CHDH: variants seen among roughly 807,000 people sequenced by gnomAD.
CHDH encodes choline dehydrogenase.
A neutral mutation model predicts 56.9 loss-of-function variants in CHDH; 43 were observed. That is an observed-to-expected ratio of 0.76 (90% confidence interval 0.59 to 0.97). CHDH has a LOEUF of 0.97. Among genes scored for constraint, CHDH ranks in the 50% least tolerant of loss-of-function variants. The pLI, the probability that CHDH is intolerant of heterozygous loss-of-function variation, is 0.00. For missense variants in CHDH, 816 were observed against 821.1 expected (o/e 0.99, Z 0.08); for synonymous variants, 364 against 348.5 (o/e 1.04, Z -0.50).
At chr3:53,832,323 A>G (rs956571081) in intron 2 of CHDH, among the ~76,000 whole-genome samples, 7 of 152,212 alleles carry the variant, frequency 4.6e-5, no homozygotes, top group Admixed American at 4.6e-4. Flanking sequence ...TGAGGTCAGG[A>G]GATTAAGACC....
At chr3:53,829,671 T>TA (rs570489355) in intron 2 of CHDH, among the ~76,000 whole-genome samples, 1 of 152,144 alleles carries the variant, frequency 6.6e-6, no homozygotes, top group Non-Finnish European at 1.5e-5. Context: ...GGCAAGTGAA[T>TA]AAAAAAGCTC....
intron 2 of CHDH, among the ~76,000 whole-genome samples, chr3:53,825,452 GA>G (rs1028316533): frequency 2.0e-5 from 3 of 151,534 alleles, no homozygotes; most frequent in African/African-American, 7.3e-5. Context: ...ATAAATGCAA[GA>G]AAAAAATACA....
chr3:53,823,989 C>A lies in CHDH; in HGVS notation c.20G>T (p.Gly7Val). The A allele has an allele frequency of 1.3e-6, 2 of 1,493,754 alleles. No homozygotes were observed. The highest frequency in any genetic ancestry group is 1.3e-5 in the South Asian group (1 of 77,372). The allele number at this position is 1,493,754 out of a possible 1,614,324, so 92.5% of individuals were successfully genotyped here. A position where few individuals can be genotyped will look rare whatever the true frequency, so the allele number is the denominator to read the frequency against. The stretch of plus-strand genomic sequence containing the variant: ...TGCCAGGGCTCCAGGCCGGCCCAGG[C>A]CTCGTAGGAGACACCACATGCTTCT... Reference protein sequence around the residue: MWCLLRGLGRPGALARG... With the variant: MWCLLRVLGRPGALARG... Residue 7 changes from glycine to valine, a missense_variant, in exon 3 of 9, where the codon GGC becomes GTC. Physicochemically the swap from Gly to Val is moderately radical, Grantham distance 109. Transcript: ENST00000315251.
At chr3:53,835,354 GA>G (rs1372200643) in intron 2 of CHDH, among the ~76,000 whole-genome samples, 1 of 152,238 alleles carries the variant, frequency 6.6e-6, no homozygotes, top group Non-Finnish European at 1.5e-5. Context: ...TCAAAGCCCA[GA>G]AAGTTACTTT....
chr3:53,826,982 A>G (rs1305951705), intron 2 of CHDH, among the ~76,000 whole-genome samples: 1 of 152,198 alleles, frequency 6.6e-6, no homozygotes, highest in Non-Finnish European at 1.5e-5. Context: ...AAAACACAAT[A>G]TCATTTAAAT....
chr3:53,817,882 T>C lies in CHDH; in HGVS notation c.1680A>G (p.Thr560=). ...SMVSGNLNAP[T]IMIAEKAADI... ...CAGCTGCCTTCTCTGCGATCATGAT[T>C]GTGGGGGCGTTCAGGTTGCCGCTGA... The change falls in exon 9 of 9, where the codon ACA becomes ACG. Residue 560 remains threonine, a synonymous_variant. Coordinates refer to ENST00000315251, the MANE Select transcript of CHDH (RefSeq NM_018397.5). 1 of 1,614,152 alleles carries C rather than the reference T, an allele frequency of 6.2e-7. No individual in the cohort carries two copies. The highest frequency in any genetic ancestry group is 8.5e-7 in the Non-Finnish European group (1 of 1,180,024).
chr3:53,832,349 G>A (rs1203646946), intron 2 of CHDH, among the ~76,000 whole-genome samples: 2 of 152,090 alleles, frequency 1.3e-5, no homozygotes, highest in Non-Finnish European at 2.9e-5. Context: ...GGATAACATG[G>A]TGAAACCCCA....
intron 5 of CHDH, among the ~76,000 whole-genome samples, chr3:53,820,900 C>CT (rs1159632537): frequency 6.6e-6 from 1 of 152,222 alleles, no homozygotes; most frequent in Admixed American, 6.5e-5. Context: ...TCTGTGAGGG[C>CT]AGGGCCTACG....
At chr3:53,824,993 C>T (rs80284398) in intron 2 of CHDH, among the ~76,000 whole-genome samples, 4 of 152,304 alleles carry the variant, frequency 2.6e-5, no homozygotes, top group South Asian at 2.1e-4. Flanking sequence ...CTCCTCCTCC[C>T]GTCCACCGTT....
At chr3:53,831,897 T>G (rs1698343707) in intron 2 of CHDH, among the ~76,000 whole-genome samples, 1 of 144,222 alleles carries the variant, frequency 6.9e-6, no homozygotes, top group Non-Finnish European at 1.5e-5. Flanking sequence ...AAGGCTGCAG[T>G]GAGCCGAGAT....
chr3:53,821,746 CACTCAG>C lies in CHDH; in HGVS notation c.880_885del (p.Leu294_Ser295del). The C allele has an allele frequency of 6.2e-7, 1 of 1,614,038 alleles. No individual in the cohort carries two copies. Among genetic ancestry groups the C allele is most frequent in the Non-Finnish European group, 8.5e-7 (1 of 1,179,942 alleles). On this transcript the variant is annotated inframe_deletion, in exon 5 of 9. Transcript: ENST00000315251. ...AGCTGTGGAGAGTTGATGGCACCTC[CACTCAG>C]AATCACCTCCTTGCTGGCATAAGCC... is the stretch of plus-strand genomic sequence containing the variant.
chr3:53,837,666 A>C (rs1698540193), intron 2 of CHDH, among the ~76,000 whole-genome samples: 1 of 151,910 alleles, frequency 6.6e-6, no homozygotes, highest in African/African-American at 2.4e-5. Context: ...TGTGCTCCAC[A>C]TTCCAGGCCT....
In CHDH at chr3:53,820,616, G is replaced by A. The variant is rs749334622; in HGVS notation, c.986-8C>T. ...GCAGGTTCTGGCCAACCCCTGATAC[G>A]GGAAGGAGTGGTTTAGAAAATGGCT... On this transcript the variant is annotated splice_region_variant and splice_polypyrimidine_tract_variant and intron_variant, in intron 5 of 8. Transcript: ENST00000315251. The A allele has an allele frequency of 6.2e-5, 100 of 1,606,434 alleles. No individual in the cohort carries two copies. The highest frequency in any genetic ancestry group is 1.7e-4 in the Middle Eastern group (1 of 6,032).
chr3:53,819,621 C>A lies in CHDH; in HGVS notation c.1174G>T (p.Gly392Trp), dbSNP rs948374717. Residue 392 changes from glycine to tryptophan, a missense_variant, in exon 7 of 9, where the codon GGG becomes TGG. By Grantham distance (184) the Gly-to-Trp change is radical. Transcript: ENST00000315251. This position sits in a 1 kb window ranked among gnomAD's most constrained non-coding sequence, Gnocchi z 5.4. Reference protein sequence around the residue: ...ETGGFIRSQPGVPHPDIQFHF... With the variant: ...ETGGFIRSQPWVPHPDIQFHF... Reference sequence around the variant, plus strand: ...AACTGGATGTCCGGGTGGGGGACCCCAGGCTGGCTGCGGATGAACCCACCT... The same window carrying A: ...AACTGGATGTCCGGGTGGGGGACCCAAGGCTGGCTGCGGATGAACCCACCT... The A allele has an allele frequency of 6.2e-7, 1 of 1,612,424 alleles. No homozygotes were observed. Among genetic ancestry groups the A allele is most frequent in the Non-Finnish European group, 8.5e-7 (1 of 1,179,154 alleles).
chr3:53,824,152 C>A, intron 2 of CHDH, 85 bp from the exon 3 acceptor site: 2 of 730,184 alleles, frequency 2.7e-6, no homozygotes, highest in South Asian at 4.8e-5. Context: ...CAGGGTGCAG[C>A]AGGCCCAGCC....
At chr3:53,844,997 A>T (rs1179894156) in intron 1 of CHDH, among the ~76,000 whole-genome samples, 2 of 152,212 alleles carry the variant, frequency 1.3e-5, no homozygotes, top group Non-Finnish European at 2.9e-5. Flanking sequence ...ATCAGCCAGC[A>T]CCCATGTGTG....
intron 2 of CHDH, among the ~76,000 whole-genome samples, chr3:53,837,109 A>T (rs1408283907): frequency 2.0e-5 from 3 of 151,914 alleles, no homozygotes; most frequent in African/African-American, 7.3e-5. Flanking sequence ...CAGGAGAATC[A>T]CTTCAGCCCA....
At chr3:53,835,190 A>C (rs748844780) in intron 2 of CHDH, among the ~76,000 whole-genome samples, 1 of 152,240 alleles carries the variant, frequency 6.6e-6, no homozygotes, top group African/African-American at 2.4e-5. Context: ...AGAATTATAA[A>C]CAACCTAACA....
chr3:53,827,258 G>T (rs117805936), intron 2 of CHDH, among the ~76,000 whole-genome samples: 3 of 152,082 alleles, frequency 2.0e-5, no homozygotes, highest in African/African-American at 2.4e-5. Context: ...GTTTATAAGC[G>T]TGTGGCACCT....
Sources: allele counts gnomAD v4.1 joint callset (sites outside exome capture counted in the v4.1 genomes callset), GRCh38; gene constraint gnomAD v4.1.1; non-coding constraint Gnocchi (gnomAD v3.1); transcripts MANE v1.5; gene names NCBI Gene and HGNC (gene_info 2026-07-23, HGNC 2026-07-21).